The following PCDH11Y variants were observed in gnomAD, a reference collection of about 807,000 sequenced individuals.
PCDH11Y encodes protocadherin 11 Y-linked.
For missense variants in PCDH11Y, 12 were observed against 224.8 expected, an observed-to-expected ratio of 0.05 and a Z score of 6.05; for synonymous variants, 9 against 83.6, an observed-to-expected ratio of 0.11 and a Z score of 4.87.
At chrY:5,637,987 C>T (rs939061351) in intron 4 of PCDH11Y, among the ~76,000 whole-genome samples, 1 of 7,416 alleles carries the variant, frequency 1.3e-4, no homozygotes, top group East Asian at 4.0e-3. Flanking sequence ...GACAGAGTCT[C>T]GCTCTGTCGC....
chrY:5,225,844 A>C lies in PCDH11Y; in HGVS notation c.3129+125137A>C, dbSNP rs2052959568. ...CTGGGGTGAGATGATATCTCATTGT[A>C]GTTTTGATTTGCATTTCTCTGATGA... On this transcript the variant is annotated intron_variant, in intron 2 of 4. Coordinates refer to the PCDH11Y transcript ENST00000400457. Among the ~76,000 whole-genome samples the C allele has an allele frequency of 2.5e-4, 8 of 31,406 alleles. No individual in the cohort carries two copies. The East Asian group carries it at 6.7e-3, about 26-fold the overall frequency. 84.3% of individuals were successfully genotyped at this position (31,406 alleles called of 37,273 possible). A position where few individuals can be genotyped will look rare whatever the true frequency, so the allele number is the denominator to read the frequency against.
At chrY:5,071,716 C>T (rs2052700008) in intron 1 of PCDH11Y, among the ~76,000 whole-genome samples, 26 of 31,473 alleles carry the variant, frequency 8.3e-4, no homozygotes, top group Non-Finnish European at 3.9e-4. Flanking sequence ...TAAGAGATTC[C>T]TCTTTTAACT....
At chrY:5,678,339 A>G in intron 4 of PCDH11Y, among the ~76,000 whole-genome samples, 1 of 32,929 alleles carries the variant, frequency 3.0e-5, no homozygotes, top group Non-Finnish European at 7.5e-5. Context: ...TAATTAACTC[A>G]AAGGCTTTTG....
At chrY:5,143,754 A>C in intron 2 of PCDH11Y, among the ~76,000 whole-genome samples, 4 of 33,135 alleles carry the variant, frequency 1.2e-4, no homozygotes, top group African/African-American at 4.7e-4. Flanking sequence ...GCTCAGGGAT[A>C]ATGGGAATGA....
intron 2 of PCDH11Y, among the ~76,000 whole-genome samples, chrY:5,387,949 G>A: frequency 3.7e-5 from 1 of 27,291 alleles, no homozygotes; most frequent in Non-Finnish European, 8.6e-5. Context: ...GGGAAGTAGG[G>A]GAAAGCCGGC....
At chrY:5,328,775 G>C (rs2053125899) in intron 2 of PCDH11Y, among the ~76,000 whole-genome samples, 8 of 31,889 alleles carry the variant, frequency 2.5e-4, no homozygotes, top group African/African-American at 8.7e-4. Flanking sequence ...AAGATTATAG[G>C]GTGGAGGAGT....
intron 2 of PCDH11Y, among the ~76,000 whole-genome samples, chrY:5,386,540 G>C: frequency 6.1e-5 from 2 of 32,766 alleles, no homozygotes; most frequent in South Asian, 1.4e-3. Context: ...TGGAGGCTTT[G>C]TTCATTTTTT....
At chrY:5,569,691 T>G (rs2053437892) in intron 3 of PCDH11Y, among the ~76,000 whole-genome samples, 1 of 33,473 alleles carries the variant, frequency 3.0e-5, no homozygotes, top group African/African-American at 1.2e-4. Context: ...TGGATAGGAC[T>G]GGCTTATAGT....
intron 2 of PCDH11Y, among the ~76,000 whole-genome samples, chrY:5,421,610 A>C: frequency 3.1e-5 from 1 of 32,550 alleles, no homozygotes; most frequent in African/African-American, 1.2e-4. Context: ...TATTAAAATC[A>C]AACAATATAA....
intron 2 of PCDH11Y, among the ~76,000 whole-genome samples, chrY:5,230,030 A>G: frequency 9.0e-5 from 3 of 33,277 alleles, no homozygotes; most frequent in East Asian, 8.1e-4. Context: ...TAAAAACTCT[A>G]TGCCTCAACT....
intron 2 of PCDH11Y, among the ~76,000 whole-genome samples, chrY:5,114,234 A>G: frequency 3.1e-5 from 1 of 32,054 alleles, no homozygotes; most frequent in Admixed American, 3.0e-4. Flanking sequence ...GGACTTTGCA[A>G]TCTTAACCAG....
intron 4 of PCDH11Y, among the ~76,000 whole-genome samples, chrY:5,720,795 C>A: frequency 6.2e-5 from 2 of 32,039 alleles, no homozygotes; most frequent in Non-Finnish European, 1.5e-4. Flanking sequence ...ATAGTGAGAG[C>A]CTGTGGCATT....
At chrY:5,029,720 C>T (rs1602840407) in intron 1 of PCDH11Y, among the ~76,000 whole-genome samples, 39 of 27,582 alleles carry the variant, frequency 1.4e-3, no homozygotes, top group African/African-American at 4.7e-3. Context: ...GTCAGGAGTT[C>T]GAGACCAGCC....
chrY:5,531,661 T>C, intron 3 of PCDH11Y, among the ~76,000 whole-genome samples: 3 of 32,649 alleles, frequency 9.2e-5, no homozygotes, highest in Non-Finnish European at 2.2e-4. Context: ...TTGCCCCTTT[T>C]CATTATCTCC....
intron 3 of PCDH11Y, among the ~76,000 whole-genome samples, chrY:5,032,972 A>G (rs2052593355): frequency 6.2e-5 from 2 of 32,358 alleles, no homozygotes; most frequent in African/African-American, 1.2e-4. Flanking sequence ...CACAAATTAT[A>G]GTAAGCATAA....
intron 2 of PCDH11Y, among the ~76,000 whole-genome samples, chrY:5,298,585 ATTTTC>A (rs2053078058): frequency 3.0e-5 from 1 of 33,174 alleles, no homozygotes; most frequent in Non-Finnish European, 7.4e-5. Context: ...AAGTTCATTT[ATTTTC>A]TTTTCTTATG....
intron 2 of PCDH11Y, among the ~76,000 whole-genome samples, chrY:5,357,251 GTATATATATA>G (rs760306167): frequency 1.3e-4 from 2 of 15,250 alleles, no homozygotes; most frequent in African/African-American, 2.7e-4. Flanking sequence ...ATATATATAC[GTATATATATA>G]TATATATATA....
intron 4 of PCDH11Y, among the ~76,000 whole-genome samples, chrY:5,648,552 A>G: frequency 3.3e-5 from 1 of 30,198 alleles, no homozygotes; most frequent in African/African-American, 1.3e-4. Flanking sequence ...CCTTTCAGAG[A>G]AATGCTAATC....
At chrY:5,583,967 G>A in intron 4 of PCDH11Y, among the ~76,000 whole-genome samples, 2 of 26,943 alleles carry the variant, frequency 7.4e-5, no homozygotes, top group Non-Finnish European at 8.8e-5. Flanking sequence ...GTACTATGTT[G>A]AATGACACTG....
Sources: allele counts gnomAD v4.1 joint callset (sites outside exome capture counted in the v4.1 genomes callset), GRCh38; gene constraint gnomAD v4.1.1; transcripts MANE v1.5; gene names NCBI Gene and HGNC (gene_info 2026-07-23, HGNC 2026-07-21).